Variants in LRRC4C observed in about 807,000 individuals in gnomAD.
The protein encoded by LRRC4C is leucine-rich repeat-containing protein 4C.
In LRRC4C, 5 loss-of-function variants were observed where a neutral mutation model predicts 33.6. The ratio of observed to expected loss-of-function variants is 0.15; its 90% CI spans 0.08 to 0.31. The LOEUF (loss-of-function observed/expected upper bound fraction) is 0.31, where lower values mean the gene tolerates loss of function less well. Ranked by LOEUF, LRRC4C falls within the 10% of genes least tolerant of loss-of-function variation. The pLI, the probability that LRRC4C is intolerant of heterozygous loss-of-function variation, is 1.00. For synonymous variants in LRRC4C, 329 were observed against 302.0 expected, an observed-to-expected ratio of 1.09 and a Z score of -0.93; for missense variants, 560 against 796.7, an observed-to-expected ratio of 0.70 and a Z score of 3.58.
chr11:40,946,932 T>C (rs1481493728), intron 1 of LRRC4C, among the ~76,000 whole-genome samples: 1 of 152,060 alleles, frequency 6.6e-6, no homozygotes, highest in African/African-American at 2.4e-5. Flanking sequence ...CAGCCCACAG[T>C]GGAATAAAAA....
At chr11:41,003,710 T>C (rs940402546) in intron 1 of LRRC4C, among the ~76,000 whole-genome samples, 2 of 151,898 alleles carry the variant, frequency 1.3e-5, no homozygotes, top group African/African-American at 4.8e-5. Context: ...TGAGGTCATC[T>C]GGTATGCCTT....
At chr11:40,800,012 G>A (rs1441716919) in intron 2 of LRRC4C, among the ~76,000 whole-genome samples, 2 of 151,994 alleles carry the variant, frequency 1.3e-5, no homozygotes, top group South Asian at 4.1e-4. Context: ...GCTAAGAAAA[G>A]AAGTCAGAGG....
chr11:41,025,434 A>T (rs1856276023), intron 1 of LRRC4C, among the ~76,000 whole-genome samples: 1 of 151,740 alleles, frequency 6.6e-6, no homozygotes, highest in East Asian at 1.9e-4. Context: ...TGTATAAAAG[A>T]TCAAGCAAAC....
At chr11:41,365,815 A>G (rs1952514807) in intron 1 of LRRC4C, among the ~76,000 whole-genome samples, 1 of 152,220 alleles carries the variant, frequency 6.6e-6, no homozygotes. Context: ...TTGGTAAATG[A>G]TAATGTCTTT....
intron 2 of LRRC4C, among the ~76,000 whole-genome samples, chr11:40,891,363 T>A (rs1447807865): frequency 6.6e-6 from 1 of 152,190 alleles, no homozygotes; most frequent in East Asian, 1.9e-4. Context: ...AAGTATTATT[T>A]TATTATTTAA....
intron 1 of LRRC4C, among the ~76,000 whole-genome samples, chr11:41,417,660 A>C (rs1469348451): frequency 6.6e-6 from 1 of 151,954 alleles, no homozygotes; most frequent in Non-Finnish European, 1.5e-5. Flanking sequence ...CAGCTTTTTC[A>C]AATGGAATAT....
At chr11:40,760,097 A>T (rs941273227) in intron 2 of LRRC4C, among the ~76,000 whole-genome samples, 1 of 152,008 alleles carries the variant, frequency 6.6e-6, no homozygotes, top group Non-Finnish European at 1.5e-5. Context: ...GATGCAGTAG[A>T]GCTGAGTTAG....
chr11:40,964,442 CAT>C (rs941226367), intron 1 of LRRC4C, among the ~76,000 whole-genome samples: 36 of 151,710 alleles, frequency 2.4e-4, no homozygotes, highest in Admixed American at 9.2e-4. Context: ...CATATGTAAA[CAT>C]ATGCCATGTT....
At chr11:40,737,116 T>C (rs1293057863) in intron 2 of LRRC4C, among the ~76,000 whole-genome samples, 1 of 151,902 alleles carries the variant, frequency 6.6e-6, no homozygotes, top group Non-Finnish European at 1.5e-5. Flanking sequence ...TCTTCTATGG[T>C]TTTTATGGTT....
chr11:40,660,413 C>A (rs1294581545), intron 2 of LRRC4C, among the ~76,000 whole-genome samples: 1 of 152,206 alleles, frequency 6.6e-6, no homozygotes, highest in Non-Finnish European at 1.5e-5. Flanking sequence ...ACAGAAGTTT[C>A]TGGCTGGAAA....
chr11:40,777,484 T>C, intron 2 of LRRC4C, among the ~76,000 whole-genome samples: 1 of 131,232 alleles, frequency 7.6e-6, no homozygotes, highest in African/African-American at 2.9e-5. Context: ...ATACCATTCT[T>C]TGTCCTTTTT....
At chr11:40,898,390 C>T (rs1956061341) in intron 2 of LRRC4C, among the ~76,000 whole-genome samples, 1 of 83,146 alleles carries the variant, frequency 1.2e-5, no homozygotes, top group Non-Finnish European at 2.6e-5. Context: ...GAAATGTAAG[C>T]TGCTTTGGAA....
intron 3 of LRRC4C, among the ~76,000 whole-genome samples, chr11:40,461,898 T>A (rs1952415131): frequency 6.6e-6 from 1 of 151,128 alleles, no homozygotes; most frequent in African/African-American, 2.4e-5. Context: ...AGCATAGTTA[T>A]AAATTATAAA....
chr11:40,860,330 T>C (rs181052046), intron 2 of LRRC4C, among the ~76,000 whole-genome samples: 1 of 152,152 alleles, frequency 6.6e-6, no homozygotes, highest in East Asian at 1.9e-4. Flanking sequence ...ACCAGCCGAG[T>C]AAGTTACACA....
intron 6 of LRRC4C, among the ~76,000 whole-genome samples, chr11:40,140,391 A>G (rs1857281913): frequency 6.6e-6 from 1 of 152,120 alleles, no homozygotes; most frequent in African/African-American, 2.4e-5. Context: ...AAATATTGCC[A>G]TGGGAGAACC....
At chr11:41,262,846 G>A (rs1949027101) in intron 1 of LRRC4C, among the ~76,000 whole-genome samples, 1 of 152,084 alleles carries the variant, frequency 6.6e-6, no homozygotes, top group Non-Finnish European at 1.5e-5. Context: ...CAATGACAGA[G>A]CCCAACAGTC....
intron 2 of LRRC4C, among the ~76,000 whole-genome samples, chr11:40,866,833 C>A (rs575084966): frequency 6.6e-6 from 1 of 152,260 alleles, no homozygotes; most frequent in Admixed American, 6.5e-5. Flanking sequence ...GCTTTATAGT[C>A]CATGGATGTC....
intron 1 of LRRC4C, among the ~76,000 whole-genome samples, chr11:41,152,741 A>C (rs1565431155): frequency 2.0e-5 from 3 of 152,138 alleles, no homozygotes; most frequent in Non-Finnish European, 4.4e-5. Flanking sequence ...TGATTCATAA[A>C]TAGCTAATAC....
intron 2 of LRRC4C, among the ~76,000 whole-genome samples, chr11:40,709,197 C>T (rs763833345): frequency 1.3e-5 from 2 of 152,122 alleles, no homozygotes; most frequent in Admixed American, 6.5e-5. Context: ...GCATTTAGCC[C>T]ATTTACATTT....
Sources: gnomAD v4.1 joint callset for allele counts (sites outside exome capture counted in the v4.1 genomes callset) on GRCh38, gnomAD v4.1.1 for gene constraint, MANE v1.5 for transcripts, NCBI Gene and HGNC (gene_info 2026-07-23, HGNC 2026-07-21) for gene names.